Variants in GAP43 observed in about 807,000 individuals in gnomAD.
GAP43 encodes growth associated protein 43, also known as neuromodulin.
GAP43 carries 6 observed loss-of-function variants against 18.6 expected under a neutral mutation model. That is an observed-to-expected ratio of 0.32 (90% confidence interval 0.18 to 0.64). The LOEUF is 0.64. Among genes scored for constraint, GAP43 ranks in the 30% least tolerant of loss-of-function variants. The pLI, the probability that GAP43 is intolerant of heterozygous loss-of-function variation, is 0.78. For missense variants in GAP43, 292 were observed against 295.5 expected, an observed-to-expected ratio of 0.99 and a Z score of 0.09; for synonymous variants, 115 against 111.4, an observed-to-expected ratio of 1.03 and a Z score of -0.20.
In GAP43 at chr3:115,676,269, C is replaced by G. The variant is rs148604487; in HGVS notation, c.287C>G (p.Ser96Cys). Residue 96 changes from serine to cysteine, a missense_variant, in exon 2 of 3, where the codon TCC (serine) becomes TGC (cysteine). Transcript: ENST00000305124. ...TTAEAAPATG[S>C]KPDEPGKAGE... ...GCCGAAGCAGCCCCAGCCACTGGCT[C>G]CAAGCCTGATGAGCCCGGCAAAGCA... 4.6e-5 allele frequency: 75 copies of G among 1,613,992 alleles called. No individual in the cohort carries two copies. The African/African-American group carries it at 6.9e-4, about 15-fold the overall frequency.
At chr3:115,645,041 A>G (rs940377275) in intron 1 of GAP43, among the ~76,000 whole-genome samples, 2 of 152,130 alleles carry the variant, frequency 1.3e-5, no homozygotes, top group Admixed American at 6.6e-5. Flanking sequence ...GTTGGCCCCT[A>G]TATCATTTTT....
At chr3:115,699,018 C>T (rs3772934) in intron 2 of GAP43, among the ~76,000 whole-genome samples, 35,696 of 152,036 alleles carry the variant, frequency 0.23, 4,867 homozygotes, top group Admixed American at 0.34. Flanking sequence ...CTTGTAAAAG[C>T]GGCAGCCATT....
At chr3:115,663,603 G>T in intron 1 of GAP43, 1 of 1,305,766 alleles carries the variant, frequency 7.7e-7, no homozygotes, top group Non-Finnish European at 9.7e-7. Flanking sequence ...CAAGGAAAAT[G>T]AGTCACAGCA....
intron 2 of GAP43, among the ~76,000 whole-genome samples, chr3:115,689,650 G>A (rs1339001535): frequency 1.3e-5 from 2 of 152,120 alleles, no homozygotes; most frequent in Non-Finnish European, 2.9e-5. Flanking sequence ...GATTGAGAAG[G>A]AAAATTGGTC....
At chr3:115,720,754 C>T (rs1709566241) in intron 2 of GAP43, 40 bp from the exon 3 acceptor site, 1 of 1,381,478 alleles carries the variant, frequency 7.2e-7, no homozygotes, top group Non-Finnish European at 1.0e-6. Context: ...AATACTAATT[C>T]TCTCCTTTTC....
intron 1 of GAP43, among the ~76,000 whole-genome samples, chr3:115,667,648 A>G (rs1384427727): frequency 6.6e-6 from 1 of 152,172 alleles, no homozygotes; most frequent in Non-Finnish European, 1.5e-5. Flanking sequence ...GACCATCTTC[A>G]GGAGCTTGGC....
At chr3:115,654,237 C>T (rs1708554798) in intron 1 of GAP43, among the ~76,000 whole-genome samples, 2 of 152,168 alleles carry the variant, frequency 1.3e-5, no homozygotes, top group South Asian at 4.1e-4. Flanking sequence ...CCAAGTGATT[C>T]AAATATTGAC....
At chr3:115,696,730 C>T (rs1054631085) in intron 2 of GAP43, among the ~76,000 whole-genome samples, 8 of 152,076 alleles carry the variant, frequency 5.3e-5, no homozygotes, top group Admixed American at 3.3e-4. Flanking sequence ...CTCAAAGCAA[C>T]TTTCTCTTCG....
intron 2 of GAP43, among the ~76,000 whole-genome samples, chr3:115,708,944 T>G (rs960876934): frequency 2.4e-4 from 8 of 33,250 alleles, no homozygotes; most frequent in Non-Finnish European, 6.8e-4. Flanking sequence ...GGCTGGGTTT[T>G]TTTTTTTTTT....
At chr3:115,712,371 A>G (rs529969947) in intron 2 of GAP43, among the ~76,000 whole-genome samples, 4 of 152,284 alleles carry the variant, frequency 2.6e-5, no homozygotes, top group Middle Eastern at 3.4e-3. Context: ...TCTCTTAATC[A>G]TCTGTCTGGG....
intron 2 of GAP43, among the ~76,000 whole-genome samples, chr3:115,701,494 C>A (rs561874679): frequency 6.6e-6 from 1 of 152,100 alleles, no homozygotes; most frequent in Non-Finnish European, 1.5e-5. Flanking sequence ...AACTAGACTT[C>A]TGCTTGGTTT....
intron 1 of GAP43, among the ~76,000 whole-genome samples, chr3:115,669,056 A>G (rs1471583369): frequency 6.8e-6 from 1 of 147,096 alleles, no homozygotes; most frequent in Non-Finnish European, 1.5e-5. Flanking sequence ...AAAAAAAAAA[A>G]AGAAAGAAAA....
chr3:115,700,694 G>T (rs1269982189), intron 2 of GAP43, among the ~76,000 whole-genome samples: 2 of 151,954 alleles, frequency 1.3e-5, no homozygotes, highest in African/African-American at 4.8e-5. Flanking sequence ...TATTTTCTAT[G>T]CCATCTTTAC....
chr3:115,704,985 C>T (rs1381882896), intron 2 of GAP43, among the ~76,000 whole-genome samples: 1 of 152,100 alleles, frequency 6.6e-6, no homozygotes, highest in Admixed American at 6.6e-5. Context: ...TGTGGCTTAG[C>T]CATTTGCTTT....
intron 1 of GAP43, among the ~76,000 whole-genome samples, chr3:115,656,329 A>T (rs932225825): frequency 2.6e-5 from 4 of 152,246 alleles, no homozygotes; most frequent in African/African-American, 9.6e-5. Context: ...TGTTTAATAT[A>T]AAATCAAGGA....
intron 2 of GAP43, among the ~76,000 whole-genome samples, chr3:115,708,030 C>T (rs1230248699): frequency 6.6e-6 from 1 of 151,926 alleles, no homozygotes; most frequent in Non-Finnish European, 1.5e-5. Flanking sequence ...TATATACACA[C>T]ACACACATAT....
At chr3:115,701,439 T>C (rs967788399) in intron 2 of GAP43, among the ~76,000 whole-genome samples, 1 of 152,022 alleles carries the variant, frequency 6.6e-6, no homozygotes, top group African/African-American at 2.4e-5. Context: ...CCAAGTCAAA[T>C]GGTACCCACC....
At chr3:115,701,340 G>A (rs1368319541) in intron 2 of GAP43, among the ~76,000 whole-genome samples, 1 of 151,956 alleles carries the variant, frequency 6.6e-6, no homozygotes, top group African/African-American at 2.4e-5. Flanking sequence ...TCTCTTTCAG[G>A]TGAGTTCTGT....
intron 2 of GAP43, among the ~76,000 whole-genome samples, chr3:115,697,157 G>T (rs957074624): frequency 6.6e-6 from 1 of 151,618 alleles, no homozygotes; most frequent in Non-Finnish European, 1.5e-5. Flanking sequence ...TATTTTCATG[G>T]TGCTTACTGC....
Sources: allele counts gnomAD v4.1 joint callset (sites outside exome capture counted in the v4.1 genomes callset), GRCh38; gene constraint gnomAD v4.1.1; transcripts MANE v1.5; gene names NCBI Gene and HGNC (gene_info 2026-07-23, HGNC 2026-07-21).